Variants in GCFC2 observed in about 807,000 individuals in gnomAD.
GCFC2 encodes the protein GC-rich sequence DNA-binding factor 2.
GCFC2 carries 102 observed loss-of-function variants against 99.4 expected under a neutral mutation model. That is an observed-to-expected ratio of 1.03 (90% CI 0.87 to 1.21). GCFC2 has a LOEUF of 1.21. Ranked by LOEUF, GCFC2 falls within the 50% of genes most tolerant of loss-of-function variation. GCFC2 has a pLI of 0.00. For missense variants in GCFC2, 973 were observed against 920.9 expected, an observed-to-expected ratio of 1.06 and a Z score of -0.73; for synonymous variants, 338 against 316.8, an observed-to-expected ratio of 1.07 and a Z score of -0.71.
upstream of GCFC2, among the ~76,000 whole-genome samples, chr2:75,712,650 GTCCACGTGGCTTTTATGAGCTGTAACAC>G (rs1296790926): frequency 2.0e-5 from 3 of 152,032 alleles, no homozygotes; most frequent in African/African-American, 7.3e-5. Context: ...GACTCTTTGG[GTCCACGTGGCTTTTATGAGCTGTAACAC>G]TCACCGTGAA....
intron 12 of GCFC2, among the ~76,000 whole-genome samples, chr2:75,674,674 GT>G (rs1361946270): frequency 6.6e-6 from 1 of 151,802 alleles, no homozygotes; most frequent in African/African-American, 2.4e-5. Context: ...TAGAGTAAAA[GT>G]TAATTTTTAA....
chr2:75,668,829 T>C (rs1678963005), intron 15 of GCFC2, among the ~76,000 whole-genome samples: 1 of 152,216 alleles, frequency 6.6e-6, no homozygotes, highest in African/African-American at 2.4e-5. Context: ...CTTTAAAAGT[T>C]TTGTATCCAT....
intron 13 of GCFC2, among the ~76,000 whole-genome samples, 185 bp downstream of exon 13, chr2:75,673,259 G>A (rs1679198727): frequency 6.6e-6 from 1 of 151,550 alleles, no homozygotes; most frequent in Admixed American, 6.6e-5. Context: ...AGTGAGCCGA[G>A]ATCGCGCCAC....
At chr2:75,701,758 A>T in intron 3 of GCFC2, 1 of 591,272 alleles carries the variant, frequency 1.7e-6, no homozygotes, top group Non-Finnish European at 2.1e-6. Context: ...CATATATCAT[A>T]AATGAGAAAT....
chr2:75,681,362 C>T (rs925191169), intron 11 of GCFC2, among the ~76,000 whole-genome samples: 5 of 149,346 alleles, frequency 3.3e-5, no homozygotes, highest in African/African-American at 1.0e-4. Flanking sequence ...AGGGATGCCA[C>T]GAGAAACCGT....
Position 75,710,606 on chromosome 2 carries a change from C to G in GCFC2, c.250G>C (p.Ala84Pro). ...CCCTGGACACCTGAGCCTTCGTCCG[C>G]GCGGGGAGCCGCTTTGGTGGCACGC... is the stretch of plus-strand genomic sequence containing the variant. ...SRRATKAAPR[A>P]DEGSESRTLD... Residue 84 changes from alanine to proline, a missense_variant, in exon 1 of 17, where the codon GCG becomes CCG. Coordinates refer to ENST00000321027, the MANE Select transcript of GCFC2 (RefSeq NM_003203.5). 3.3e-6 allele frequency: 5 copies of G among 1,514,162 alleles called. No individual in the cohort carries two copies. The highest frequency in any genetic ancestry group is 4.4e-6 in the Non-Finnish European group (5 of 1,138,200). The allele number at this position is 1,514,162 out of a possible 1,614,324, so 93.8% of individuals were successfully genotyped here.
chr2:75,691,976 C>G lies in GCFC2; in HGVS notation c.1144+1G>C. 1 of 1,489,736 alleles carries G rather than the reference C, an allele frequency of 6.7e-7. No homozygotes were observed. The highest frequency in any genetic ancestry group is 9.0e-7 in the Non-Finnish European group (1 of 1,105,276). The allele number at this position is 1,489,736 out of a possible 1,614,324, so 92.3% of individuals were successfully genotyped here. A position where few individuals can be genotyped will look rare whatever the true frequency, so the allele number is the denominator to read the frequency against. ...TTGTATGGAACACGAAAAACACTAA[C>G]GTGATAACTGTTGTAAATACGTTGA... On this transcript the variant is annotated splice_donor_variant, in intron 7 of 16. Coordinates refer to ENST00000321027, the MANE Select transcript of GCFC2 (RefSeq NM_003203.5). LOFTEE classifies it high-confidence loss of function.
chr2:75,707,013 G>C (rs1221251960), intron 1 of GCFC2, among the ~76,000 whole-genome samples: 1 of 152,138 alleles, frequency 6.6e-6, no homozygotes, highest in African/African-American at 2.4e-5. Context: ...TATGTACTAG[G>C]CACACTGAAA....
chr2:75,665,561 T>G (rs1171185506), intron 16 of GCFC2, among the ~76,000 whole-genome samples: 1 of 152,198 alleles, frequency 6.6e-6, no homozygotes, highest in Non-Finnish European at 1.5e-5. Flanking sequence ...AACAGAGAGC[T>G]AGCTACTGCT....
chr2:75,692,111 C>A lies in GCFC2; in HGVS notation c.1021-11G>T, dbSNP rs748705269. The A allele has an allele frequency of 3.7e-6, 5 of 1,350,576 alleles. No homozygotes were observed. Among genetic ancestry groups the A allele is most frequent in the South Asian group, 1.7e-5 (1 of 59,942 alleles). 83.7% of individuals were successfully genotyped at this position (1,350,576 alleles called of 1,614,324 possible). On this transcript the variant is annotated splice_polypyrimidine_tract_variant and intron_variant, in intron 6 of 16. Transcript: ENST00000321027. ...TTGGATGTTGATAATCTGAAATACA[C>A]ATATAAGTAACATTTTGCAGGTCAT...
intron 3 of GCFC2, 130 bp downstream of exon 3, chr2:75,702,069 C>A: frequency 2.1e-6 from 3 of 1,453,936 alleles, no homozygotes; most frequent in South Asian, 1.5e-5. Context: ...TATCATGGAC[C>A]AAATCGATGT....
chr2:75,680,616 A>G (rs1679532130), intron 11 of GCFC2, among the ~76,000 whole-genome samples: 1 of 152,154 alleles, frequency 6.6e-6, no homozygotes, highest in Admixed American at 6.5e-5. Context: ...CTTGATCACT[A>G]TACAACTTGA....
chr2:75,675,203 T>C (rs1336822302), intron 12 of GCFC2, among the ~76,000 whole-genome samples: 1 of 152,156 alleles, frequency 6.6e-6, no homozygotes, highest in African/African-American at 2.4e-5. Flanking sequence ...TTTACTGAAA[T>C]TGCTAACTAC....
In GCFC2 at chr2:75,673,426, G is replaced by C. The variant is rs765554000; in HGVS notation, c.1889+18C>G. On this transcript the variant is annotated intron_variant, in intron 13 of 16. Transcript: ENST00000321027. ...ATGATCAGCTATTTCCAACAATCTA[G>C]AAATTAACAGCGCTTACCTCTTTGG... 2.7e-6 allele frequency: 3 copies of C among 1,108,486 alleles called. No homozygotes were observed. The highest frequency in any genetic ancestry group is 2.8e-6 in the Non-Finnish European group (2 of 723,402). The allele number at this position is 1,108,486 out of a possible 1,614,324, so 68.7% of individuals were successfully genotyped here. A position where few individuals can be genotyped will look rare whatever the true frequency, so the allele number is the denominator to read the frequency against.
chr2:75,696,318 AAAAAAGT>A lies in GCFC2; in HGVS notation c.718-10_718-4del, dbSNP rs1234316033. 1.7e-6 allele frequency: 2 copies of A among 1,143,472 alleles called. No homozygotes were observed. Among genetic ancestry groups the A allele is most frequent in the Admixed American group, 1.8e-5 (1 of 55,538 alleles). The allele number at this position is 1,143,472 out of a possible 1,614,324, so 70.8% of individuals were successfully genotyped here. On this transcript the variant is annotated splice_region_variant and splice_polypyrimidine_tract_variant and intron_variant, in intron 4 of 16. Transcript: ENST00000321027. The stretch of plus-strand genomic sequence containing the variant: ...CAGGAAAGATCTATGTCTCTTTCCT[AAAAAAGT>A]AAAAATAGATTTTTACAAAACCATT...
intron 10 of GCFC2, among the ~76,000 whole-genome samples, chr2:75,688,318 T>C (rs1286271788): frequency 6.6e-6 from 1 of 152,228 alleles, no homozygotes; most frequent in Non-Finnish European, 1.5e-5. Context: ...GAAACAGCCA[T>C]GGAATTTGTT....
At chr2:75,691,120 T>C (rs946725059) in intron 7 of GCFC2, among the ~76,000 whole-genome samples, 1 of 152,210 alleles carries the variant, frequency 6.6e-6, no homozygotes, top group Non-Finnish European at 1.5e-5. Context: ...AGAACCCCAG[T>C]CGATGCCTGA....
At chr2:75,692,172 A>AT (rs1680111790) in intron 6 of GCFC2, 72 bp from the exon 7 acceptor site, 2 of 260,996 alleles carry the variant, frequency 7.7e-6, no homozygotes, top group Non-Finnish European at 1.3e-5. Context: ...TATATATATA[A>AT]AAGTAATATT....
chr2:75,709,397 G>C (rs901233645), intron 1 of GCFC2, among the ~76,000 whole-genome samples: 9 of 152,156 alleles, frequency 5.9e-5, no homozygotes, highest in Non-Finnish European at 8.8e-5. Context: ...GAAAGACCAA[G>C]AAATCACGAA....
Sources: allele counts gnomAD v4.1 joint callset (sites outside exome capture counted in the v4.1 genomes callset), GRCh38; gene constraint gnomAD v4.1.1; transcripts MANE v1.5; gene names NCBI Gene and HGNC (gene_info 2026-07-23, HGNC 2026-07-21).